FAF1: variants seen among roughly 807,000 people sequenced by gnomAD.
FAF1 encodes Fas associated factor 1.
In FAF1, 25 loss-of-function variants were observed where a neutral mutation model predicts 92.5. That is an observed-to-expected ratio of 0.27 (90% confidence interval 0.20 to 0.38). The LOEUF (loss-of-function observed/expected upper bound fraction) is 0.38. Ranked by LOEUF, FAF1 falls within the 10% of genes least tolerant of loss-of-function variation. The probability of loss-of-function intolerance (pLI) is 1.00; values close to 1 mark genes in which losing one functional copy is unlikely to be tolerated. For synonymous variants in FAF1, 234 were observed against 273.2 expected (o/e 0.86, Z 1.42); for missense variants, 636 against 793.3 (o/e 0.80, Z 2.38).
chr1:50,702,190 T>G (rs974660721), intron 7 of FAF1, among the ~76,000 whole-genome samples: 1 of 152,090 alleles, frequency 6.6e-6, no homozygotes, highest in Non-Finnish European at 1.5e-5. Flanking sequence ...TTTCCACACC[T>G]GGGTTTTGGA....
intron 12 of FAF1, among the ~76,000 whole-genome samples, chr1:50,570,177 C>T (rs1040196987): frequency 1.3e-5 from 2 of 152,164 alleles, no homozygotes; most frequent in African/African-American, 4.8e-5. Context: ...ACCACTTATT[C>T]ATTTGGGCCA....
intron 1 of FAF1, among the ~76,000 whole-genome samples, chr1:50,860,559 C>T (rs1190669627): frequency 6.6e-6 from 1 of 151,776 alleles, no homozygotes; most frequent in Non-Finnish European, 1.5e-5. Flanking sequence ...TACCATCTCA[C>T]ACCAGTCAAA....
chr1:50,760,675 C>T (rs913070846), intron 4 of FAF1, among the ~76,000 whole-genome samples: 6 of 152,002 alleles, frequency 3.9e-5, no homozygotes, highest in African/African-American at 1.5e-4. Flanking sequence ...ATCTCTGGGA[C>T]ACATTCAAAG....
At chr1:50,714,115 C>A (rs1658072136) in intron 6 of FAF1, among the ~76,000 whole-genome samples, 1 of 151,934 alleles carries the variant, frequency 6.6e-6, no homozygotes, top group Non-Finnish European at 1.5e-5. Flanking sequence ...TAACTCAATG[C>A]AAGAAATGGT....
chr1:50,774,725 T>A (rs1660893687), intron 4 of FAF1, among the ~76,000 whole-genome samples: 1 of 152,146 alleles, frequency 6.6e-6, no homozygotes, highest in Non-Finnish European at 1.5e-5. Context: ...TAGCTGCATG[T>A]TAGGTTAAAT....
chr1:50,670,713 CTT>C (rs1325216532), intron 7 of FAF1, among the ~76,000 whole-genome samples: 2 of 152,000 alleles, frequency 1.3e-5, no homozygotes, highest in African/African-American at 4.8e-5. Context: ...GGGTGGATCA[CTT>C]GAGTTTAGGA....
chr1:50,573,497 G>A (rs968804360), intron 12 of FAF1, among the ~76,000 whole-genome samples: 1 of 152,178 alleles, frequency 6.6e-6, no homozygotes, highest in South Asian at 2.1e-4. Context: ...AATGTCAATG[G>A]CCCCATATGT....
intron 2 of FAF1, among the ~76,000 whole-genome samples, chr1:50,812,829 C>T (rs1204872805): frequency 6.6e-6 from 1 of 152,164 alleles, no homozygotes; most frequent in Non-Finnish European, 1.5e-5. Context: ...CCTAAATGCT[C>T]ATCAAGGGTG....
At chr1:50,661,890 G>A (rs756479593) in intron 7 of FAF1, among the ~76,000 whole-genome samples, 2 of 152,108 alleles carry the variant, frequency 1.3e-5, no homozygotes, top group Non-Finnish European at 1.5e-5. Flanking sequence ...TTGTATACAC[G>A]TTGCAGTTGC....
At chr1:50,803,467 T>G (rs1036651948) in intron 2 of FAF1, among the ~76,000 whole-genome samples, 4 of 152,188 alleles carry the variant, frequency 2.6e-5, no homozygotes, top group African/African-American at 4.8e-5. Flanking sequence ...AATACGTAAT[T>G]GTATAATGAG....
At chr1:50,753,516 C>G (rs12073283) in intron 4 of FAF1, among the ~76,000 whole-genome samples, 13,136 of 152,150 alleles carry the variant, frequency 0.086, 586 homozygotes, top group African/African-American at 0.098. Flanking sequence ...TAGAAACTAC[C>G]AAAGTGTTTT....
chr1:50,601,256 C>T (rs143405610), intron 8 of FAF1, among the ~76,000 whole-genome samples: 174 of 152,246 alleles, frequency 1.1e-3, no homozygotes, highest in African/African-American at 4.1e-3. Context: ...AGGAAAACTC[C>T]AGTAAACCAT....
At chr1:50,688,789 G>A (rs1470213078) in intron 7 of FAF1, among the ~76,000 whole-genome samples, 1 of 152,062 alleles carries the variant, frequency 6.6e-6, no homozygotes, top group Non-Finnish European at 1.5e-5. Flanking sequence ...TACAGCCTGG[G>A]CAACAAGAGC....
At chr1:50,461,534 A>G (rs2148988918) in intron 18 of FAF1, 1 of 152,330 alleles carries the variant, frequency 6.6e-6, no homozygotes, top group South Asian at 2.1e-4. Context: ...ACAAAGGCAA[A>G]TAAGACAGTA....
At chr1:50,471,307 G>A (rs1195248492) in intron 18 of FAF1, among the ~76,000 whole-genome samples, 1 of 152,080 alleles carries the variant, frequency 6.6e-6, no homozygotes, top group Non-Finnish European at 1.5e-5. Flanking sequence ...TGTTTAGCTT[G>A]GTGCTTAGCA....
intron 6 of FAF1, among the ~76,000 whole-genome samples, chr1:50,731,372 CT>C (rs369508602): frequency 1.9e-3 from 264 of 140,120 alleles, no homozygotes; most frequent in South Asian, 7.1e-3. Flanking sequence ...TATCTTTTCT[CT>C]TTTTTTTTTT....
At chr1:50,852,201 C>T (rs1356004244) in intron 2 of FAF1, among the ~76,000 whole-genome samples, 3 of 152,224 alleles carry the variant, frequency 2.0e-5, no homozygotes, top group East Asian at 3.8e-4. Context: ...TCAAAACTAA[C>T]CCTTTCTTAT....
chr1:50,716,605 T>TCTAG (rs1168802249), intron 6 of FAF1, among the ~76,000 whole-genome samples: 1 of 152,148 alleles, frequency 6.6e-6, no homozygotes, highest in Non-Finnish European at 1.5e-5. Context: ...GAGCTCTGTG[T>TCTAG]CTAGCTAAAG....
intron 2 of FAF1, among the ~76,000 whole-genome samples, chr1:50,855,647 ATT>A (rs1367998385): frequency 3.9e-5 from 6 of 151,904 alleles, no homozygotes; most frequent in African/African-American, 1.4e-4. Flanking sequence ...TATTCAAAAT[ATT>A]TGTTTCATTT....
Sources: gnomAD v4.1 joint callset for allele counts (sites outside exome capture counted in the v4.1 genomes callset) on GRCh38, gnomAD v4.1.1 for gene constraint, MANE v1.5 for transcripts, NCBI Gene and HGNC (gene_info 2026-07-23, HGNC 2026-07-21) for gene names.